The following ACTR6 variants were observed in gnomAD, a reference collection of about 807,000 sequenced individuals.
ACTR6 encodes actin related protein 6, also known as actin-related protein 6.
In ACTR6, 50 loss-of-function variants were observed where a neutral mutation model predicts 52.5. The observed-to-expected ratio is 0.95, with a 90% CI of 0.76 to 1.20. The LOEUF is 1.20. Ranked by LOEUF, ACTR6 falls within the 50% of genes most tolerant of loss-of-function variation. ACTR6 has a pLI of 0.00. For missense variants in ACTR6, 344 were observed against 472.4 expected, an observed-to-expected ratio of 0.73 and a Z score of 2.52; for synonymous variants, 135 against 147.2, an observed-to-expected ratio of 0.92 and a Z score of 0.60.
intron 10 of ACTR6, among the ~76,000 whole-genome samples, chr12:100,223,487 T>A (rs1401836391): frequency 6.6e-6 from 1 of 152,244 alleles, no homozygotes; most frequent in Admixed American, 6.5e-5. Context: ...TTTGCTTATA[T>A]CCTTGTTTTT....
intron 2 of ACTR6, chr12:100,205,453 TG>T (rs1221335871): frequency 6.2e-6 from 2 of 322,262 alleles, no homozygotes; most frequent in Non-Finnish European, 1.1e-5. Flanking sequence ...GTAGTAAACC[TG>T]CACGTTCTGC....
Position 100,210,324 on chromosome 12 carries a change from A to G in ACTR6, c.545A>G (p.Asn182Ser), listed in dbSNP as rs934017275. Reference protein sequence around the residue: ...RINVGGKLLTNHLKEIISYRQ... With the variant: ...RINVGGKLLTSHLKEIISYRQ... The stretch of plus-strand genomic sequence containing the variant: ...AATGTGGGAGGAAAACTCTTAACCA[A>G]TCATCTAAAGGAGATCATATCTTAC... The change falls in exon 6 of 11, where the codon AAT (asparagine) becomes AGT (serine). Residue 182 changes from asparagine (N) to serine (S), a missense_variant. Coordinates refer to ENST00000188312, the MANE Select transcript of ACTR6 (RefSeq NM_022496.5). 15 of 1,613,984 alleles carry G rather than the reference A, an allele frequency of 9.3e-6. No individual in the cohort carries two copies. The highest frequency in any genetic ancestry group is 1.2e-5 in the Non-Finnish European group (14 of 1,179,982).
intron 1 of ACTR6, 162 bp downstream of exon 1, chr12:100,201,081 G>C: frequency 1.4e-6 from 2 of 1,462,172 alleles, no homozygotes; most frequent in Non-Finnish European, 1.8e-6. Context: ...GTGATGCTTT[G>C]AATTGAAATT....
chr12:100,212,984 G>C (rs1019407724), intron 8 of ACTR6, among the ~76,000 whole-genome samples: 1 of 137,126 alleles, frequency 7.3e-6, no homozygotes, highest in African/African-American at 2.9e-5. Flanking sequence ...TCCAGCCTGG[G>C]CAACACAGCG....
intron 10 of ACTR6, 31 bp from the exon 11 acceptor site, chr12:100,223,752 AATC>A (rs1318517837): frequency 6.3e-7 from 1 of 1,579,528 alleles, no homozygotes. Context: ...TTTCCTGTAA[AATC>A]ATCTGGGTTC....
intron 4 of ACTR6, chr12:100,209,036 G>T (rs886348851): frequency 6.9e-6 from 2 of 288,724 alleles, no homozygotes; most frequent in Non-Finnish European, 6.8e-6. Flanking sequence ...CATAAGCCAC[G>T]GCTCCAGGCC....
intron 8 of ACTR6, among the ~76,000 whole-genome samples, chr12:100,215,984 C>T (rs934784962): frequency 3.9e-5 from 6 of 152,136 alleles, no homozygotes; most frequent in African/African-American, 1.4e-4. Flanking sequence ...AATATCATTA[C>T]AGATAACAAC....
chr12:100,210,492 G>T (rs1484763795), intron 6 of ACTR6, 141 bp downstream of exon 6: 1 of 876,286 alleles, frequency 1.1e-6, no homozygotes. Context: ...GCCGAGGTGG[G>T]TGCATCACTT....
chr12:100,221,026 AC>A (rs1279024303), intron 10 of ACTR6, among the ~76,000 whole-genome samples: 231 of 151,764 alleles, frequency 1.5e-3, no homozygotes, highest in Non-Finnish European at 2.5e-3. Context: ...AAAAAAAAAA[AC>A]AAAAAAAGAA....
Position 100,218,896 on chromosome 12 carries a change from A to G in ACTR6, c.922+310A>G, listed in dbSNP as rs1183613230. On this transcript the variant is annotated intron_variant, in intron 9 of 10. Transcript: ENST00000188312. This position sits in a 1 kb window ranked among gnomAD's most constrained non-coding sequence, Gnocchi z 4.2. Reference sequence around the variant, plus strand: ...AAGTTTTAATTTAACCCAGATCTGTACAGAATATAAATTTATAATGTAACA... The same window carrying G: ...AAGTTTTAATTTAACCCAGATCTGTGCAGAATATAAATTTATAATGTAACA... 6.6e-6 allele frequency among the ~76,000 whole-genome samples: 1 copy of G among 152,142 alleles called. No individual in the cohort carries two copies. Among genetic ancestry groups the G allele is most frequent in the Non-Finnish European group, 1.5e-5 (1 of 68,020 alleles).
At chr12:100,202,969 G>T (rs375974953) in intron 1 of ACTR6, among the ~76,000 whole-genome samples, 1 of 152,166 alleles carries the variant, frequency 6.6e-6, no homozygotes, top group Non-Finnish European at 1.5e-5. Context: ...TGTGGTTGGG[G>T]GTATGAGTGT....
At chr12:100,204,163 T>G (rs1400346440) in intron 1 of ACTR6, 2 of 152,162 alleles carry the variant, frequency 1.3e-5, no homozygotes, top group Admixed American at 1.3e-4. Flanking sequence ...GGGGCATTTT[T>G]GTGTTATTAT....
intron 4 of ACTR6, among the ~76,000 whole-genome samples, chr12:100,208,489 G>A (rs941655619): frequency 1.3e-5 from 2 of 151,942 alleles, no homozygotes; most frequent in African/African-American, 4.8e-5. Context: ...TGGTCAGGCT[G>A]GTCTTGAACT....
Position 100,212,308 on chromosome 12 carries a change from G to T in ACTR6, c.625G>T (p.Val209Leu). 6.2e-7 allele frequency: 1 copy of T among 1,612,614 alleles called. No homozygotes were observed. The highest frequency in any genetic ancestry group is 8.5e-7 in the Non-Finnish European group (1 of 1,179,366). ...TGTGATTAATCAAGTGAAAGAAGAT[G>T]TATGCTATGTGTCTCAGGATTTTTA... ...THVINQVKED[V>L]CYVSQDFYRD... Residue 209 changes from valine to leucine, a missense_variant, in exon 7 of 11, where the codon GTA becomes TTA. By Grantham distance (32) the Val-to-Leu change is conservative. Transcript: ENST00000188312.
chr12:100,221,844 G>A (rs1346735159), intron 10 of ACTR6: 1 of 151,328 alleles, frequency 6.6e-6, no homozygotes. Flanking sequence ...TTTTTTTGCT[G>A]TAGAGATGGA....
intron 6 of ACTR6, among the ~76,000 whole-genome samples, chr12:100,210,721 C>CAAA (rs537889632): frequency 1.5e-5 from 2 of 129,946 alleles, no homozygotes. Flanking sequence ...CTCTCTCTCT[C>CAAA]AAAAAAAAAA....
intron 3 of ACTR6, chr12:100,206,132 C>T (rs2096114391): frequency 6.5e-6 from 1 of 152,956 alleles, no homozygotes; most frequent in South Asian, 2.1e-4. Context: ...GAGAGAATTA[C>T]ATAAACTTGA....
rs1225183329 is a variant in ACTR6 at position 100,220,004 on chromosome 12, A to G, written c.923-4A>G. On this transcript the variant is annotated splice_region_variant and splice_polypyrimidine_tract_variant and intron_variant, in intron 9 of 10. Transcript: ENST00000188312. ...CCTTTCCTTCTCCTTTTCTTCTTTTAAAGAAATGCAGCCGCATTTTTTTAA... is the reference window on the plus strand; with the variant it reads ...CCTTTCCTTCTCCTTTTCTTCTTTTGAAGAAATGCAGCCGCATTTTTTTAA... 2 of 1,610,970 alleles carry G rather than the reference A, an allele frequency of 1.2e-6. No homozygotes were observed. Among genetic ancestry groups the G allele is most frequent in the Non-Finnish European group, 1.7e-6 (2 of 1,179,054 alleles).
rs1299184262 is a variant in ACTR6 at position 100,218,750 on chromosome 12, C to A, written c.922+164C>A. Among the ~76,000 whole-genome samples, 1 of 151,548 alleles carries A rather than the reference C, an allele frequency of 6.6e-6. No individual in the cohort carries two copies. The highest frequency in any genetic ancestry group is 2.4e-5 in the African/African-American group (1 of 41,008). On this transcript the variant is annotated intron_variant, in intron 9 of 10. Transcript: ENST00000188312. This position sits in a 1 kb window ranked among gnomAD's most constrained non-coding sequence, Gnocchi z 4.2. ...TGCATTTATATAATTCTTGATTCAT[C>A]TTTGATTATAAGTTTTTTTTTGTGA... is the stretch of plus-strand genomic sequence containing the variant.
Sources: allele counts gnomAD v4.1 joint callset (sites outside exome capture counted in the v4.1 genomes callset), GRCh38; gene constraint gnomAD v4.1.1; non-coding constraint Gnocchi (gnomAD v3.1); transcripts MANE v1.5; gene names NCBI Gene and HGNC (gene_info 2026-07-23, HGNC 2026-07-21).